The following SPMIP4 variants were observed in gnomAD, a reference collection of about 807,000 sequenced individuals.
The protein encoded by SPMIP4 is sperm microtubule inner protein 4.
chr7:25,136,315 A>G, the SPMIP4 span: 1 of 1,614,216 alleles, frequency 6.2e-7, no homozygotes, highest in Non-Finnish European at 8.5e-7. The surrounding 1 kb of genome is among the most constrained non-coding windows in gnomAD (Gnocchi z 5.7). Flanking sequence ...GTCTGGACAC[A>G]TATTATACTG....
the SPMIP4 span, among the ~76,000 whole-genome samples, chr7:25,152,393 T>C: frequency 6.6e-6 from 1 of 152,224 alleles, no homozygotes; most frequent in South Asian, 2.1e-4. Context: ...TTAAAGAATG[T>C]TCTGAACACC....
At chr7:25,141,632 A>G in the SPMIP4 span, among the ~76,000 whole-genome samples, 71 of 151,976 alleles carry the variant, frequency 4.7e-4, no homozygotes, top group African/African-American at 1.3e-3. Flanking sequence ...AATCTCATTA[A>G]ATCACTAGTT....
chr7:25,177,755 T>TGG, the SPMIP4 span, among the ~76,000 whole-genome samples: 1 of 152,218 alleles, frequency 6.6e-6, no homozygotes, highest in Non-Finnish European at 1.5e-5. Context: ...GGTAGAGTGC[T>TGG]GACACACAGT....
chr7:25,162,123 T>C, the SPMIP4 span, among the ~76,000 whole-genome samples: 2 of 151,406 alleles, frequency 1.3e-5, no homozygotes, highest in African/African-American at 4.9e-5. Context: ...TAGAAAAAAT[T>C]TGCTGGGTGT....
the SPMIP4 span, chr7:25,161,297 A>G: frequency 8.5e-7 from 1 of 1,169,832 alleles, no homozygotes; most frequent in Non-Finnish European, 1.2e-6. Flanking sequence ...AACATGTTTT[A>G]AAATTAACAC....
At chr7:25,177,629 T>C in the SPMIP4 span, among the ~76,000 whole-genome samples, 4 of 152,228 alleles carry the variant, frequency 2.6e-5, no homozygotes, top group Non-Finnish European at 4.4e-5. Context: ...ATGCTGACAC[T>C]AAGATCTTGG....
At chr7:25,174,567 G>A in the SPMIP4 span, among the ~76,000 whole-genome samples, 8 of 152,150 alleles carry the variant, frequency 5.3e-5, no homozygotes, top group Non-Finnish European at 1.0e-4. This position sits in a 1 kb window ranked among gnomAD's most constrained non-coding sequence, Gnocchi z 4.5. Context: ...TTTTTAGTTG[G>A]CAGATAACTA....
At chr7:25,162,584 T>G in the SPMIP4 span, among the ~76,000 whole-genome samples, 1 of 152,088 alleles carries the variant, frequency 6.6e-6, no homozygotes, top group Non-Finnish European at 1.5e-5. Flanking sequence ...CTCATAACCA[T>G]GATACCCTCT....
At chr7:25,160,785 TA>T in the SPMIP4 span, among the ~76,000 whole-genome samples, 1 of 152,200 alleles carries the variant, frequency 6.6e-6, no homozygotes, top group Admixed American at 6.5e-5. Context: ...TAGATGATAA[TA>T]AAAAACTTCT....
At chr7:25,168,808 C>T in the SPMIP4 span, among the ~76,000 whole-genome samples, 7 of 150,936 alleles carry the variant, frequency 4.6e-5, no homozygotes, top group African/African-American at 1.7e-4. Flanking sequence ...TCACTGCAGC[C>T]TCTGCCTCCT....
chr7:25,146,174 G>C, the SPMIP4 span, among the ~76,000 whole-genome samples: 6 of 152,192 alleles, frequency 3.9e-5, no homozygotes, highest in Non-Finnish European at 5.9e-5. Flanking sequence ...TGGAGAGAGG[G>C]AGCAAATGAG....
the SPMIP4 span, among the ~76,000 whole-genome samples, chr7:25,133,450 C>G: frequency 1.3e-5 from 2 of 152,164 alleles, no homozygotes; most frequent in African/African-American, 4.8e-5. Flanking sequence ...TGTTTGTCCA[C>G]TGGATTGAAG....
the SPMIP4 span, among the ~76,000 whole-genome samples, chr7:25,168,730 G>GT: frequency 0.15 from 21,268 of 138,456 alleles, 1,961 homozygotes; most frequent in African/African-American, 0.26. Flanking sequence ...TTTCATTTTC[G>GT]TTTTTTTTTT....
the SPMIP4 span, among the ~76,000 whole-genome samples, chr7:25,159,831 T>C: frequency 1.3e-5 from 2 of 152,178 alleles, no homozygotes; most frequent in African/African-American, 4.8e-5. Flanking sequence ...AAGTGATGAA[T>C]ATATGAATCC....
chr7:25,175,960 A>G, the SPMIP4 span, among the ~76,000 whole-genome samples: 2 of 152,218 alleles, frequency 1.3e-5, no homozygotes, highest in African/African-American at 2.4e-5. Flanking sequence ...ACACATGATC[A>G]TCCTGGTTTT....
At chr7:25,149,021 C>T in the SPMIP4 span, among the ~76,000 whole-genome samples, 1 of 152,156 alleles carries the variant, frequency 6.6e-6, no homozygotes, top group Non-Finnish European at 1.5e-5. Flanking sequence ...CTTATTTGAA[C>T]ACGGTTTGAA....
the SPMIP4 span, among the ~76,000 whole-genome samples, chr7:25,158,908 A>T: frequency 2.6e-5 from 4 of 152,002 alleles, no homozygotes; most frequent in African/African-American, 9.7e-5. Flanking sequence ...CTGTAATGTC[A>T]TTAAGATAAT....
chr7:25,164,843 G>T, the SPMIP4 span, among the ~76,000 whole-genome samples: 5 of 152,100 alleles, frequency 3.3e-5, no homozygotes, highest in African/African-American at 1.2e-4. Flanking sequence ...TATCCTCATA[G>T]CTTAGCTCCA....
At chr7:25,142,414 C>T in the SPMIP4 span, 1 of 1,064,560 alleles carries the variant, frequency 9.4e-7, no homozygotes, top group Non-Finnish European at 1.4e-6. Flanking sequence ...AAAACTTACC[C>T]ATTCCTTTTG....
Sources: gnomAD v4.1 joint callset for allele counts (sites outside exome capture counted in the v4.1 genomes callset) on GRCh38, gnomAD v4.1.1 for gene constraint, Gnocchi (gnomAD v3.1) non-coding constraint, MANE v1.5 for transcripts, NCBI Gene and HGNC (gene_info 2026-07-23, HGNC 2026-07-21) for gene names.